Variants in COG5 observed in about 807,000 individuals in gnomAD.
The protein encoded by COG5 is component of oligomeric golgi complex 5.
In COG5, 86 loss-of-function variants were observed where a neutral mutation model predicts 110.4. The observed-to-expected ratio is 0.78, with a 90% CI of 0.65 to 0.93. The LOEUF is 0.93. Among genes scored for constraint, COG5 ranks in the 40% least tolerant of loss-of-function variants. The pLI, the probability that COG5 is intolerant of heterozygous loss-of-function variation, is 0.00. For missense variants in COG5, 1,077 were observed against 987.0 expected (o/e 1.09, Z -1.22); for synonymous variants, 360 against 334.6 (o/e 1.08, Z -0.83).
intron 16 of COG5, among the ~76,000 whole-genome samples, chr7:107,254,153 T>C (rs1277914791): frequency 3.3e-5 from 5 of 152,156 alleles, no homozygotes; most frequent in African/African-American, 1.2e-4. Context: ...TAACATTTAA[T>C]TTTGGATAAA....
chr7:107,496,288 G>A (rs984721730), intron 6 of COG5, among the ~76,000 whole-genome samples: 5 of 152,078 alleles, frequency 3.3e-5, no homozygotes, highest in Non-Finnish European at 5.9e-5. Context: ...ACCAAATTCA[G>A]CTGTGTATTA....
chr7:107,292,630 G>A lies in COG5; in HGVS notation c.1313+5512C>T, dbSNP rs528425300. 1.1e-4 allele frequency among the ~76,000 whole-genome samples: 16 copies of A among 152,234 alleles called. No individual in the cohort carries two copies. In the East Asian group the frequency reaches 2.5e-3, roughly 24 times the overall value. On this transcript the variant is annotated intron_variant, in intron 12 of 21. Coordinates refer to ENST00000297135, the MANE Select transcript of COG5 (RefSeq NM_006348.5). ...AACGAAGGAATTCTTAACAGGACCC[G>A]TTTAGGATTTAAAAAGTTTTACTCA...
intron 7 of COG5, among the ~76,000 whole-genome samples, chr7:107,408,947 C>T (rs1016004182): frequency 1.3e-5 from 2 of 151,664 alleles, no homozygotes; most frequent in South Asian, 4.2e-4. Context: ...TATAATAAAC[C>T]CCTATCTACT....
chr7:107,298,159 T>C lies in COG5; in HGVS notation c.1296A>G (p.Pro432=). The C allele has an allele frequency of 6.4e-7, 1 of 1,573,046 alleles. No individual in the cohort carries two copies. Among genetic ancestry groups the C allele is most frequent in the East Asian group, 2.3e-5 (1 of 43,938 alleles). ...AAACATACTCATAATCTGGCTTTTT[T>C]GGTATGAATATATCTTGTGCATCAT... ...MEDDAQDIFI[P]KKPDYDPEKA... Residue 432 remains proline, a synonymous_variant, in exon 12 of 22, where the codon CCA becomes CCG. Coordinates refer to ENST00000297135, the MANE Select transcript of COG5 (RefSeq NM_006348.5).
At chr7:107,386,463 G>A (rs1402035529) in intron 7 of COG5, among the ~76,000 whole-genome samples, 1 of 152,108 alleles carries the variant, frequency 6.6e-6, no homozygotes, top group Non-Finnish European at 1.5e-5. Context: ...GAACGCTGCG[G>A]AGGAAGCACG....
At chr7:107,529,285 C>T (rs1445250318) in intron 5 of COG5, among the ~76,000 whole-genome samples, 1 of 152,142 alleles carries the variant, frequency 6.6e-6, no homozygotes, top group East Asian at 1.9e-4. Flanking sequence ...AGGGCTACTG[C>T]CCCACCCACT....
chr7:107,392,389 C>T (rs1258311212), intron 7 of COG5, among the ~76,000 whole-genome samples: 1 of 151,978 alleles, frequency 6.6e-6, no homozygotes, highest in Non-Finnish European at 1.5e-5. Context: ...GCTATCATTT[C>T]CTAAAGACAG....
chr7:107,400,845 A>G (rs1266013812), intron 7 of COG5, among the ~76,000 whole-genome samples: 1 of 152,222 alleles, frequency 6.6e-6, no homozygotes, highest in Non-Finnish European at 1.5e-5. Context: ...TATAGAAACT[A>G]GAATAAAAGT....
At chr7:107,373,071 C>G (rs1814323845) in intron 7 of COG5, among the ~76,000 whole-genome samples, 1 of 152,026 alleles carries the variant, frequency 6.6e-6, no homozygotes, top group Non-Finnish European at 1.5e-5. Context: ...AATCTACCAC[C>G]AATCCCTATA....
At chr7:107,416,593 T>C (rs1197842885) in intron 6 of COG5, among the ~76,000 whole-genome samples, 3 of 152,194 alleles carry the variant, frequency 2.0e-5, no homozygotes, top group Non-Finnish European at 2.9e-5. Flanking sequence ...TGCATTTTTA[T>C]ATTTTCCCAT....
chr7:107,442,144 C>T (rs1794739208), intron 6 of COG5, among the ~76,000 whole-genome samples: 1 of 152,070 alleles, frequency 6.6e-6, no homozygotes, highest in African/African-American at 2.4e-5. Context: ...GGCAGACATC[C>T]CCCCCTGTTC....
At chr7:107,426,365 T>A (rs1302066506) in intron 6 of COG5, among the ~76,000 whole-genome samples, 1 of 152,162 alleles carries the variant, frequency 6.6e-6, no homozygotes, top group African/African-American at 2.4e-5. Context: ...AAGGCAGGAT[T>A]TGGAAAGTGA....
intron 5 of COG5, among the ~76,000 whole-genome samples, chr7:107,543,221 C>G (rs182263706): frequency 6.6e-6 from 1 of 152,098 alleles, no homozygotes; most frequent in East Asian, 1.9e-4. Context: ...CATTACAGCA[C>G]GTGAATACAG....
chr7:107,285,364 T>C (rs1020587586), intron 12 of COG5, among the ~76,000 whole-genome samples: 1 of 152,216 alleles, frequency 6.6e-6, no homozygotes, highest in African/African-American at 2.4e-5. Flanking sequence ...TTCCCACTTC[T>C]GCAGAAATTT....
chr7:107,228,391 T>A (rs1800526307), intron 19 of COG5, among the ~76,000 whole-genome samples: 1 of 151,604 alleles, frequency 6.6e-6, no homozygotes, highest in South Asian at 2.1e-4. Flanking sequence ...AACTAGATGG[T>A]TAATATCCTC....
chr7:107,358,250 C>T (rs551133347), intron 10 of COG5, among the ~76,000 whole-genome samples: 11 of 152,166 alleles, frequency 7.2e-5, no homozygotes, highest in African/African-American at 9.6e-5. Flanking sequence ...AATAAAAGCT[C>T]GAAATGAGGC....
At chr7:107,546,169 C>A (rs911267713) in intron 5 of COG5, among the ~76,000 whole-genome samples, 106 of 152,220 alleles carry the variant, frequency 7.0e-4, no homozygotes, top group African/African-American at 2.3e-3. Context: ...TTTAAAATGT[C>A]TTGAGACAAA....
rs535450599 is a variant in COG5 at position 107,370,989 on chromosome 7, G to C, written c.835+1606C>G. 9.7e-4 allele frequency among the ~76,000 whole-genome samples: 148 copies of C among 151,988 alleles called. 4 individuals are homozygous for C. In the South Asian group the frequency reaches 0.029, roughly 30 times the overall value. ...TAGGATTGACAGCACATGAATAACTGCTTTCATTTTTTTCCCCATTCTTGA... is the reference window on the plus strand; with the variant it reads ...TAGGATTGACAGCACATGAATAACTCCTTTCATTTTTTTCCCCATTCTTGA... On this transcript the variant is annotated intron_variant, in intron 8 of 21. Coordinates refer to ENST00000297135, the MANE Select transcript of COG5 (RefSeq NM_006348.5).
At chr7:107,436,479 TAC>T (rs921922930) in intron 6 of COG5, among the ~76,000 whole-genome samples, 14 of 152,268 alleles carry the variant, frequency 9.2e-5, no homozygotes, top group African/African-American at 3.4e-4. Context: ...ATTTAATGAC[TAC>T]AGAGTTTCAG....
Sources: gnomAD v4.1 joint callset for allele counts (sites outside exome capture counted in the v4.1 genomes callset) on GRCh38, gnomAD v4.1.1 for gene constraint, MANE v1.5 for transcripts, NCBI Gene and HGNC (gene_info 2026-07-23, HGNC 2026-07-21) for gene names.